Variants in CAMTA1 observed in about 807,000 individuals in gnomAD.
CAMTA1 encodes the protein calmodulin binding transcription activator 1, also known as calmodulin-binding transcription activator 1.
CAMTA1 carries 27 observed loss-of-function variants against 170.9 expected under a neutral mutation model. The ratio of observed to expected loss-of-function variants is 0.16; its 90% confidence interval spans 0.12 to 0.22. The LOEUF (loss-of-function observed/expected upper bound fraction) is 0.22. Among genes scored for constraint, CAMTA1 ranks in the 10% least tolerant of loss-of-function variants. The probability of loss-of-function intolerance (pLI) is 1.00; values close to 1 mark genes in which losing one functional copy is unlikely to be tolerated. For synonymous variants in CAMTA1, 833 were observed against 891.5 expected (o/e 0.93, Z 1.17); for missense variants, 1,619 against 2,217.2 (o/e 0.73, Z 5.42).
At chr1:7,370,908 TTCTTTC>T (rs2086391299) in intron 5 of CAMTA1, among the ~76,000 whole-genome samples, 2 of 44,788 alleles carry the variant, frequency 4.5e-5, no homozygotes, top group African/African-American at 8.5e-5. Flanking sequence ...TTCTTTTTCT[TTCTTTC>T]TTTTTTTTTT....
intron 5 of CAMTA1, among the ~76,000 whole-genome samples, chr1:7,410,543 T>G (rs1195241785): frequency 1.3e-5 from 2 of 152,120 alleles, no homozygotes; most frequent in Non-Finnish European, 2.9e-5. Context: ...AAACAATAAC[T>G]CTTTGCAAAA....
rs556313780 is a variant in CAMTA1, at chr1:7,455,390, A to C, written c.439-12440A>C. 2.0e-5 allele frequency among the ~76,000 whole-genome samples: 3 copies of C among 152,338 alleles called. No individual in the cohort carries two copies. In the South Asian group the frequency reaches 6.2e-4, roughly 32 times the overall value. ...CCATTAATTCTGCATGCTCAGGCCG[A>C]ATTAACCTTGGCAAGCCTTCAAGAG... On this transcript the variant is annotated intron_variant, in intron 5 of 22. Coordinates refer to ENST00000303635, the MANE Select transcript of CAMTA1 (RefSeq NM_015215.4). The surrounding 1 kb of genome is among the most constrained non-coding windows in gnomAD (Gnocchi z 5.0).
At chr1:6,855,831 G>T (rs1662124248) in intron 3 of CAMTA1, among the ~76,000 whole-genome samples, 1 of 152,190 alleles carries the variant, frequency 6.6e-6, no homozygotes, top group Non-Finnish European at 1.5e-5. Context: ...TGCCCCTGGG[G>T]CTGAGGTAGA....
chr1:7,112,022 G>GT (rs1266505278), intron 4 of CAMTA1, among the ~76,000 whole-genome samples: 1 of 152,056 alleles, frequency 6.6e-6, no homozygotes, highest in Non-Finnish European at 1.5e-5. Context: ...TGGCTGTCAC[G>GT]TATCTCTGTT....
At position 7,436,960 on chromosome 1, in the gene CAMTA1, G is replaced by A. The variant is rs377002200; in HGVS notation, c.439-30870G>A. The stretch of plus-strand genomic sequence containing the variant: ...TGTGGGCAAAGCCTGCACGTTGGGG[G>A]GAATGGCAGGGCACAGCGGCATTGC... On this transcript the variant is annotated intron_variant, in intron 5 of 22. Coordinates refer to ENST00000303635, the MANE Select transcript of CAMTA1 (RefSeq NM_015215.4). 5.3e-5 allele frequency among the ~76,000 whole-genome samples: 8 copies of A among 152,242 alleles called. 1 individual carries two copies. The highest frequency in any genetic ancestry group is 1.9e-4 in the African/African-American group (8 of 41,538).
intron 5 of CAMTA1, among the ~76,000 whole-genome samples, chr1:7,350,075 A>G (rs1409488017): frequency 6.6e-6 from 1 of 152,112 alleles, no homozygotes; most frequent in Non-Finnish European, 1.5e-5. Flanking sequence ...TGGATCCTCA[A>G]CTGGGCTGGG....
intron 3 of CAMTA1, among the ~76,000 whole-genome samples, chr1:6,977,115 T>C (rs1430560349): frequency 6.6e-6 from 1 of 152,170 alleles, no homozygotes; most frequent in Non-Finnish European, 1.5e-5. Context: ...CAGAACAGAC[T>C]AATACACAGG....
chr1:6,970,442 C>T lies in CAMTA1; in HGVS notation c.235-120862C>T, dbSNP rs916192579. ...GGGAGGCAGCAGAAGGAGTGGAGGC[C>T]GGTCCCAGACCAGCATCGGTGAGGA... On this transcript the variant is annotated intron_variant, in intron 3 of 22. Coordinates refer to ENST00000303635, the MANE Select transcript of CAMTA1 (RefSeq NM_015215.4). The surrounding 1 kb of genome is among the most constrained non-coding windows in gnomAD (Gnocchi z 4.4). Among the ~76,000 whole-genome samples the T allele has an allele frequency of 5.3e-5, 8 of 152,014 alleles. No homozygotes were observed. Among genetic ancestry groups the T allele is most frequent in the Non-Finnish European group, 1.0e-4 (7 of 68,004 alleles).
chr1:7,107,698 C>T (rs1313009878), intron 4 of CAMTA1, among the ~76,000 whole-genome samples: 1 of 152,182 alleles, frequency 6.6e-6, no homozygotes, highest in Non-Finnish European at 1.5e-5. Context: ...AGAGCTGTCT[C>T]TCCCAGATCT....
In CAMTA1 at chr1:7,255,394, A is replaced by C. The variant is rs556823913; in HGVS notation, c.438+5768A>C. On this transcript the variant is annotated intron_variant, in intron 5 of 22. Transcript: ENST00000303635. ...TTTTACTCCATTACCCTCCAGCCTC[A>C]CTGTGCACCCACCAGTCCATACCCT... 5.3e-4 allele frequency among the ~76,000 whole-genome samples: 81 copies of C among 152,218 alleles called. No individual in the cohort carries two copies. The Middle Eastern group carries it at 0.014, about 26-fold the overall frequency.
rs2094439576 is a variant in CAMTA1 at position 7,527,012 on chromosome 1, C to T, written c.510+59111C>T. ...TGCTGAGAAGGTCTCTCCACCCCCA[C>T]GGCTATCACCGGGGCATGCAGACCT... is the stretch of plus-strand genomic sequence containing the variant. On this transcript the variant is annotated intron_variant, in intron 6 of 22. Coordinates refer to ENST00000303635, the MANE Select transcript of CAMTA1 (RefSeq NM_015215.4). 2.0e-5 allele frequency among the ~76,000 whole-genome samples: 3 copies of T among 152,156 alleles called. No individual in the cohort carries two copies. The South Asian group carries it at 6.2e-4, about 31-fold the overall frequency.
intron 3 of CAMTA1, among the ~76,000 whole-genome samples, chr1:7,031,001 ATT>A (rs58953861): frequency 1.6e-3 from 162 of 100,024 alleles, no homozygotes; most frequent in African/African-American, 2.3e-3. Context: ...TGCCCAGCTA[ATT>A]TTTTTTTTTT....
At chr1:7,613,729 C>T (rs996959523) in intron 6 of CAMTA1, among the ~76,000 whole-genome samples, 9 of 92,886 alleles carry the variant, frequency 9.7e-5, no homozygotes, top group East Asian at 3.0e-4. Flanking sequence ...ATGGCGGGGG[C>T]GGGGCAGGCC....
chr1:7,652,529 T>C (rs2095854504), intron 7 of CAMTA1, among the ~76,000 whole-genome samples: 1 of 152,144 alleles, frequency 6.6e-6, no homozygotes, highest in South Asian at 2.1e-4. Context: ...CAGCAAGGCC[T>C]GGCCCCTCTG....
chr1:7,281,418 A>G (rs1671489959), intron 5 of CAMTA1, among the ~76,000 whole-genome samples: 1 of 152,226 alleles, frequency 6.6e-6, no homozygotes, highest in Non-Finnish European at 1.5e-5. Context: ...AGGTAGGTAG[A>G]TGTCCTGAAA....
chr1:7,519,435 G>A (rs543921040), intron 6 of CAMTA1, among the ~76,000 whole-genome samples: 1 of 152,114 alleles, frequency 6.6e-6, no homozygotes, highest in East Asian at 1.9e-4. Flanking sequence ...CTGGTGTGGA[G>A]GGGGAAGCCC....
chr1:7,360,957 G>T (rs1321941380), intron 5 of CAMTA1, among the ~76,000 whole-genome samples: 1 of 152,238 alleles, frequency 6.6e-6, no homozygotes, highest in African/African-American at 2.4e-5. Flanking sequence ...TGAGGATCCT[G>T]GGTGGCTGGT....
intron 3 of CAMTA1, among the ~76,000 whole-genome samples, chr1:6,953,761 CT>C (rs543939742): frequency 0.015 from 2,201 of 145,826 alleles, 29 homozygotes; most frequent in South Asian, 0.038. Flanking sequence ...CAATTTTTTT[CT>C]TTTTTTTTTT....
Position 6,983,217 on chromosome 1 carries a change from A to G in CAMTA1, c.235-108087A>G, listed in dbSNP as rs1421090662. Among the ~76,000 whole-genome samples, 9 of 152,176 alleles carry G rather than the reference A, an allele frequency of 5.9e-5. 1 individual carries two copies. Among genetic ancestry groups the G allele is most frequent in the Non-Finnish European group, 1.3e-4 (9 of 68,030 alleles). ...TGTGCGGGGAACCTTACATTCCTGG[A>G]AACTCATTCTATCTTGGTGCCATGG... On this transcript the variant is annotated intron_variant, in intron 3 of 22. Coordinates refer to ENST00000303635, the MANE Select transcript of CAMTA1 (RefSeq NM_015215.4).
Sources: allele counts gnomAD v4.1 joint callset (sites outside exome capture counted in the v4.1 genomes callset), GRCh38; gene constraint gnomAD v4.1.1; non-coding constraint Gnocchi (gnomAD v3.1); transcripts MANE v1.5; gene names NCBI Gene and HGNC (gene_info 2026-07-23, HGNC 2026-07-21).